Variants in TAF4B observed in about 807,000 individuals in gnomAD.
The protein encoded by TAF4B is transcription initiation factor TFIID subunit 4B.
Under a neutral mutation model 86.4 loss-of-function variants are expected in TAF4B, and 38 were observed. The ratio of observed to expected loss-of-function variants is 0.44; its 90% CI spans 0.34 to 0.58. The LOEUF (loss-of-function observed/expected upper bound fraction) is 0.58, where lower values mean the gene tolerates loss of function less well. Among genes scored for constraint, TAF4B ranks in the 20% least tolerant of loss-of-function variants. The pLI, the probability that TAF4B is intolerant of heterozygous loss-of-function variation, is 0.02. For missense variants in TAF4B, 988 were observed against 1,027.6 expected (o/e 0.96, Z 0.53); for synonymous variants, 388 against 391.2 (o/e 0.99, Z 0.10).
intron 14 of TAF4B, among the ~76,000 whole-genome samples, chr18:26,361,424 C>CGG (rs1555625332): frequency 5.3e-5 from 8 of 151,350 alleles, no homozygotes; most frequent in Non-Finnish European, 1.0e-4. Flanking sequence ...ACTCTTGGCC[C>CGG]CAAATCTTAA....
At chr18:26,344,418 C>A (rs1598813980) in intron 13 of TAF4B, among the ~76,000 whole-genome samples, 1 of 148,742 alleles carries the variant, frequency 6.7e-6, no homozygotes, top group South Asian at 2.1e-4. Flanking sequence ...AGTGGCAAAA[C>A]ATTTTTAAAA....
intron 1 of TAF4B, among the ~76,000 whole-genome samples, chr18:26,260,567 G>A (rs1418499734): frequency 6.6e-6 from 1 of 152,126 alleles, no homozygotes; most frequent in Non-Finnish European, 1.5e-5. Flanking sequence ...GTTTTTGTCA[G>A]GTTTGTCAGA....
chr18:26,278,273 G>C (rs28859720), intron 5 of TAF4B, among the ~76,000 whole-genome samples: 8,549 of 152,126 alleles, frequency 0.056, 402 homozygotes, highest in Admixed American at 0.11. Flanking sequence ...CTTCATCCAA[G>C]GATGTTTCAA....
At chr18:26,293,289 A>G in intron 8 of TAF4B, 137 bp from the exon 9 acceptor site, 2 of 568,078 alleles carry the variant, frequency 3.5e-6, no homozygotes, top group Non-Finnish European at 6.2e-6. Flanking sequence ...TCATGTTTGA[A>G]TTTAAACATA....
rs1339197912 is a variant in TAF4B, at chr18:26,390,015, A to C, written c.*3A>C. The C allele has an allele frequency of 1.9e-6, 3 of 1,612,508 alleles. No homozygotes were observed. Among genetic ancestry groups the C allele is most frequent in the Non-Finnish European group, 1.7e-6 (2 of 1,179,392 alleles). ...TATACCTGGCCCTTCTGAAGTGACC[A>C]CTCCACTCTTCCATCCAGATCCTTG... is the stretch of plus-strand genomic sequence containing the variant. On this transcript the variant is annotated 3_prime_UTR_variant, in exon 15 of 15. Coordinates refer to ENST00000269142, the MANE Select transcript of TAF4B (RefSeq NM_005640.3).
intron 11 of TAF4B, among the ~76,000 whole-genome samples, chr18:26,323,258 C>G (rs1178501729): frequency 6.6e-6 from 1 of 152,200 alleles, no homozygotes; most frequent in Non-Finnish European, 1.5e-5. Context: ...GTTAAGTCCT[C>G]TGTTTCCTTA....
chr18:26,255,935 A>G lies in TAF4B; in HGVS notation c.344-9235A>G, dbSNP rs1251505704. 3 of 1,294,760 alleles carry G rather than the reference A, an allele frequency of 2.3e-6. No homozygotes were observed. The Admixed American group carries it at 5.0e-5, about 22-fold the overall frequency. The allele number at this position is 1,294,760 out of a possible 1,614,324, so 80.2% of individuals were successfully genotyped here. On this transcript the variant is annotated intron_variant, in intron 1 of 14. Transcript: ENST00000269142. ...AAGCCATCTCTGTATCTGAGCCGTC[A>G]TCTGACTGGTTACTGTAACAAGGAG... is the stretch of plus-strand genomic sequence containing the variant.
chr18:26,242,994 T>A (rs1348471656), intron 1 of TAF4B, among the ~76,000 whole-genome samples: 1 of 152,234 alleles, frequency 6.6e-6, no homozygotes, highest in Non-Finnish European at 1.5e-5. Flanking sequence ...TAACCTGACC[T>A]TTCTCTCTGG....
rs59457633 is a variant in TAF4B at position 26,309,245 on chromosome 18, ATTTTTTTTTTTTTTTTTTTT to A, written c.1833-5968_1833-5949del. 1.7e-4 allele frequency among the ~76,000 whole-genome samples: 14 copies of A among 84,590 alleles called. No individual in the cohort carries two copies. In the East Asian group the frequency reaches 2.2e-3, roughly 13 times the overall value. The allele number at this position is 84,590 out of a possible 152,430, so 55.5% of individuals were successfully genotyped here. A position where few individuals can be genotyped will look rare whatever the true frequency, so the allele number is the denominator to read the frequency against. On this transcript the variant is annotated intron_variant, in intron 9 of 14. Coordinates refer to ENST00000269142, the MANE Select transcript of TAF4B (RefSeq NM_005640.3). ...CACTTTAGGGAAAAAACCTGACAGTATTTTTTTTTTTTTTTTTTTTTTTTTTTTTTTTTTTGCCAATGATA... is the reference window on the plus strand; with the variant it reads ...CACTTTAGGGAAAAAACCTGACAGTATTTTTTTTTTTTTTTGCCAATGATA...
intron 14 of TAF4B, among the ~76,000 whole-genome samples, chr18:26,378,491 A>G (rs1676982): frequency 0.94 from 143,102 of 152,202 alleles, 67,474 homozygotes; most frequent in East Asian, 0.99. Flanking sequence ...CCAGATCATA[A>G]GAAAGAGTAA....
At chr18:26,315,868 C>T (rs2056905789) in intron 10 of TAF4B, among the ~76,000 whole-genome samples, 1 of 152,026 alleles carries the variant, frequency 6.6e-6, no homozygotes. Context: ...CCTCTCTAGG[C>T]CCAGGAGTAG....
chr18:26,363,001 G>C (rs2057342589), intron 14 of TAF4B, among the ~76,000 whole-genome samples: 2 of 152,240 alleles, frequency 1.3e-5, no homozygotes, highest in South Asian at 4.1e-4. Context: ...GTGATTTCAA[G>C]TATACAGGAA....
intron 13 of TAF4B, among the ~76,000 whole-genome samples, chr18:26,354,049 C>T (rs1019539406): frequency 1.3e-5 from 2 of 152,022 alleles, no homozygotes; most frequent in East Asian, 1.9e-4. Context: ...AATTTTTGCA[C>T]GTGGATGTTC....
chr18:26,355,186 C>T, intron 13 of TAF4B, among the ~76,000 whole-genome samples: 1 of 152,012 alleles, frequency 6.6e-6, no homozygotes, highest in East Asian at 1.9e-4. Flanking sequence ...CCAATTGTAC[C>T]TTAATGATAT....
chr18:26,246,012 G>C (rs181749208), intron 1 of TAF4B, among the ~76,000 whole-genome samples: 1 of 152,248 alleles, frequency 6.6e-6, no homozygotes, highest in East Asian at 1.9e-4. Flanking sequence ...GCTAGAAGTG[G>C]AATTGTTGGT....
chr18:26,238,470 T>A (rs1403492237), intron 1 of TAF4B, among the ~76,000 whole-genome samples: 1 of 150,188 alleles, frequency 6.7e-6, no homozygotes, highest in African/African-American at 2.5e-5. Flanking sequence ...GTCCCCACTC[T>A]GCAGTCGGGC....
At chr18:26,385,907 T>C (rs1978340971) in intron 14 of TAF4B, among the ~76,000 whole-genome samples, 1 of 152,134 alleles carries the variant, frequency 6.6e-6, no homozygotes, top group Non-Finnish European at 1.5e-5. Context: ...TGTGGATAAC[T>C]GAGAGTAGCT....
At chr18:26,262,144 A>G (rs538997536) in intron 1 of TAF4B, among the ~76,000 whole-genome samples, 2 of 151,404 alleles carry the variant, frequency 1.3e-5, no homozygotes, top group Admixed American at 6.6e-5. Context: ...GAAAGAAGGG[A>G]GACTTGAACC....
chr18:26,298,789 C>T (rs1477914157), intron 9 of TAF4B, among the ~76,000 whole-genome samples: 4 of 151,576 alleles, frequency 2.6e-5, no homozygotes, highest in African/African-American at 9.7e-5. Context: ...ATGAGATCCT[C>T]CCACTGCAGT....
Sources: allele counts gnomAD v4.1 joint callset (sites outside exome capture counted in the v4.1 genomes callset), GRCh38; gene constraint gnomAD v4.1.1; transcripts MANE v1.5; gene names NCBI Gene and HGNC (gene_info 2026-07-23, HGNC 2026-07-21).